GIGYF1: variants seen among roughly 807,000 people sequenced by gnomAD.
The protein encoded by GIGYF1 is GRB10-interacting GYF protein 1.
A neutral mutation model predicts 147.1 loss-of-function variants in GIGYF1; 84 were observed. That is an observed-to-expected ratio of 0.57 (90% CI 0.48 to 0.68). The LOEUF is 0.68. Among genes scored for constraint, GIGYF1 ranks in the 30% least tolerant of loss-of-function variants. The probability of loss-of-function intolerance (pLI) is 0.00; values close to 1 mark genes in which losing one functional copy is unlikely to be tolerated. For missense variants in GIGYF1, 1,485 were observed against 1,393.7 expected, an observed-to-expected ratio of 1.07 and a Z score of -1.04; for synonymous variants, 752 against 589.5, an observed-to-expected ratio of 1.28 and a Z score of -3.99.
At chr7:100,683,467 G>A in intron 20 of GIGYF1, 23 bp from the exon 21 acceptor site, 5 of 1,614,196 alleles carry the variant, frequency 3.1e-6, no homozygotes, top group Non-Finnish European at 4.2e-6. Context: ...GCCCATCAGA[G>A]GGGAGAGCTG....
At chr7:100,684,421 T>TC (rs1805118315) in intron 16 of GIGYF1, 29 bp downstream of exon 16, 1 of 1,610,524 alleles carries the variant, frequency 6.2e-7, no homozygotes, top group Non-Finnish European at 8.5e-7. Context: ...TCACACCCTG[T>TC]CCCTCCATGC....
At position 100,682,765 on chromosome 7, in the gene GIGYF1, G is replaced by C. The variant is rs765826980; in HGVS notation, c.2425C>G (p.Leu809Val). ...CACTGGTTCAGGGGGGCAGTGCCCAGGCCCCCAAGCTGCTACAGATGGCAG... is the reference window on the plus strand; with the variant it reads ...CACTGGTTCAGGGGGGCAGTGCCCACGCCCCCAAGCTGCTACAGATGGCAG... ...APNHRVQLGG[L>V]GTAPLNQWVS... The change falls in exon 23 of 27, where the codon CTG (leucine) becomes GTG (valine). Residue 809 changes from leucine (L) to valine (V), a missense_variant. Leu to Val is a conservative substitution (Grantham distance 32, BLOSUM62 1). Coordinates refer to ENST00000678049, the MANE Select transcript of GIGYF1 (RefSeq NM_001375765.1). 1 of 1,527,536 alleles carries C rather than the reference G, an allele frequency of 6.5e-7. No individual in the cohort carries two copies. The highest frequency in any genetic ancestry group is 1.4e-5 in the African/African-American group (1 of 72,124). 94.6% of individuals were successfully genotyped at this position (1,527,536 alleles called of 1,614,324 possible).
At chr7:100,686,977 C>G in intron 9 of GIGYF1, 29 bp downstream of exon 9, 2 of 1,613,648 alleles carry the variant, frequency 1.2e-6, no homozygotes, top group Non-Finnish European at 8.5e-7. Context: ...TCCCTGCCGC[C>G]CCGGCCGCCG....
intron 1 of GIGYF1, among the ~76,000 whole-genome samples, chr7:100,690,519 T>C (rs946629446): frequency 4.6e-5 from 7 of 152,196 alleles, no homozygotes; most frequent in Non-Finnish European, 1.0e-4. Flanking sequence ...TGGTGGTTCA[T>C]GCCTGTAATC....
intron 12 of GIGYF1, among the ~76,000 whole-genome samples, 197 bp downstream of exon 12, chr7:100,685,777 G>A (rs1384400992): frequency 3.9e-5 from 6 of 152,152 alleles, no homozygotes; most frequent in South Asian, 2.1e-4. Context: ...TTTTGATTAC[G>A]CCTGATTTCT....
chr7:100,692,621 T>C (rs528457250), intron 1 of GIGYF1, among the ~76,000 whole-genome samples: 25 of 152,334 alleles, frequency 1.6e-4, no homozygotes, highest in African/African-American at 6.0e-4. Flanking sequence ...ATGTAAAAGT[T>C]AGGGCTAACG....
At chr7:100,682,932 C>T (rs1804927417) in intron 22 of GIGYF1, 80 bp downstream of exon 22, 10 of 1,324,386 alleles carry the variant, frequency 7.6e-6, no homozygotes, top group South Asian at 1.5e-5. Flanking sequence ...TGGGGCTGCA[C>T]AAGTCTGGGT....
chr7:100,686,371 C>G lies in GIGYF1; in HGVS notation c.757G>C (p.Asp253His). Reference protein sequence around the residue: ...HGERRRKFEFDLRGDRGGCGE... With the variant: ...HGERRRKFEFHLRGDRGGCGE... The stretch of plus-strand genomic sequence containing the variant: ...CACCCTCCTCGATCCCCTCGCAAAT[C>G]AAATTCAAACTTGCGCCGCCGTTCC... The change falls in exon 11 of 27, where the codon GAT becomes CAT. Residue 253 changes from aspartate to histidine, a missense_variant. Physicochemically the swap from Asp to His is moderately conservative, Grantham distance 81. Transcript: ENST00000678049. 1 of 1,611,444 alleles carries G rather than the reference C, an allele frequency of 6.2e-7. No individual in the cohort carries two copies. The highest frequency in any genetic ancestry group is 1.3e-5 in the African/African-American group (1 of 74,922).
In GIGYF1 at chr7:100,688,278, G is replaced by GTGT; in HGVS notation, c.-41_-40insACA. The GTGT allele has an allele frequency of 7.8e-7, 1 of 1,275,176 alleles. No homozygotes were observed. 79.0% of individuals were successfully genotyped at this position (1,275,176 alleles called of 1,614,324 possible). On this transcript the variant is annotated 5_prime_UTR_variant, in exon 4 of 27. Transcript: ENST00000678049. ...TGTTTGAGAGGCCGGGGGTGGGGAG[G>GTGT]AGGGGACCTGGCGTTCACTGTCCAA...
chr7:100,685,150 G>T lies in GIGYF1; in HGVS notation c.1193-4C>A. ...AGCTGGATCCCCCGAATATCATCTG[G>T]AAGGCATGAGATAGGAGGTGGAAAG... is the stretch of plus-strand genomic sequence containing the variant. On this transcript the variant is annotated splice_polypyrimidine_tract_variant and splice_region_variant and intron_variant, in intron 13 of 26. Coordinates refer to ENST00000678049, the MANE Select transcript of GIGYF1 (RefSeq NM_001375765.1). 1 of 1,576,850 alleles carries T rather than the reference G, an allele frequency of 6.3e-7. No individual in the cohort carries two copies. The highest frequency in any genetic ancestry group is 1.1e-5 in the South Asian group (1 of 86,964).
In GIGYF1 at chr7:100,691,600, G is replaced by A. The variant is rs114219336; in HGVS notation, c.-1098-2045C>T. Among the ~76,000 whole-genome samples, 894 of 151,550 alleles carry A rather than the reference G, an allele frequency of 5.9e-3. 10 individuals carry two copies. Among genetic ancestry groups the A allele is most frequent in the African/African-American group, 0.021 (848 of 41,228 alleles). ...CTGTCCAATGAAGGTAAGAGCAGGA[G>A]GTGGCGGGGGCTGGGGTACTGCCAC... On this transcript the variant is annotated intron_variant, in intron 1 of 26. Transcript: ENST00000678049.
Position 100,684,452 on chromosome 7 carries a change from G to A in GIGYF1, c.1627C>T (p.Leu543=). 6.2e-7 allele frequency: 1 copy of A among 1,612,516 alleles called. No homozygotes were observed. Among genetic ancestry groups the A allele is most frequent in the East Asian group, 2.2e-5 (1 of 44,888 alleles). ...FAPGPSPPPL[L]GNMDQERLKK... ...CATGCAGGGGAGAAGCGGCTCACCA[G>A]CAGTGGGGGAGGTGAGGGCCCTGGG... is the stretch of plus-strand genomic sequence containing the variant. The change falls in exon 16 of 27, where the codon CTG becomes TTG. Residue 543 remains leucine (L), a splice_region_variant and synonymous_variant. Coordinates refer to ENST00000678049, the MANE Select transcript of GIGYF1 (RefSeq NM_001375765.1).
rs760618499 is a variant in GIGYF1, at chr7:100,686,676, C to T, written c.667G>A (p.Gly223Ser). Residue 223 changes from glycine to serine, a missense_variant, in exon 10 of 27, where the codon GGC becomes AGC. Coordinates refer to ENST00000678049, the MANE Select transcript of GIGYF1 (RefSeq NM_001375765.1). ...WRLGAGPRRD[G>S]DRWRSASPDG... is the part of the protein sequence containing the mutation. The stretch of plus-strand genomic sequence containing the variant: ...GGGCTGGCGGAGCGCCAGCGGTCGC[C>T]GTCTCGCCGGGGCCCTGCTCCGAGC... 45 of 1,612,508 alleles carry T rather than the reference C, an allele frequency of 2.8e-5. No individual in the cohort carries two copies. Among genetic ancestry groups the T allele is most frequent in the South Asian group, 6.6e-5 (6 of 91,042 alleles).
Position 100,683,738 on chromosome 7 carries a change from G to A in GIGYF1, c.1969+80C>T, listed in dbSNP as rs992248992. 5.8e-5 allele frequency: 89 copies of A among 1,543,430 alleles called. No homozygotes were observed. The Middle Eastern group carries it at 1.0e-3, about 18-fold the overall frequency. ...CCCAGCCAGAATGGCAGCTAGGGGC[G>A]TGTGGGGGTGGGGAGCAGACCCCAG... On this transcript the variant is annotated intron_variant, in intron 19 of 26. Coordinates refer to ENST00000678049, the MANE Select transcript of GIGYF1 (RefSeq NM_001375765.1).
chr7:100,685,632 G>A (rs993002994), intron 12 of GIGYF1, 151 bp from the exon 13 acceptor site: 2 of 836,436 alleles, frequency 2.4e-6, no homozygotes, highest in African/African-American at 1.7e-5. Context: ...AATGGCAGAG[G>A]GAATGCGGTG....
intron 22 of GIGYF1, 51 bp from the exon 23 acceptor site, chr7:100,682,828 G>A: frequency 1.3e-5 from 20 of 1,492,882 alleles, no homozygotes; most frequent in Non-Finnish European, 1.8e-5. Context: ...CCCCAGAAAA[G>A]CGGATGGGGA....
In GIGYF1 at chr7:100,688,322, G is replaced by T; in HGVS notation, c.-69-15C>A. 1 of 1,136,538 alleles carries T rather than the reference G, an allele frequency of 8.8e-7. No homozygotes were observed. The allele number at this position is 1,136,538 out of a possible 1,614,324, so 70.4% of individuals were successfully genotyped here. On this transcript the variant is annotated splice_polypyrimidine_tract_variant and intron_variant, in intron 3 of 26. Transcript: ENST00000678049. ...TGTCCAAACACCTGTGGGGGAACAG[G>T]GGCCATGAAGAACAGCACACGAAGG...
At chr7:100,693,618 A>G (rs972148004) in intron 1 of GIGYF1, among the ~76,000 whole-genome samples, 2 of 152,162 alleles carry the variant, frequency 1.3e-5, no homozygotes, top group African/African-American at 4.8e-5. Flanking sequence ...GGGGAACCCA[A>G]AGGCGCGCTG....
At chr7:100,690,075 A>G (rs1805710226) in intron 1 of GIGYF1, among the ~76,000 whole-genome samples, 1 of 152,244 alleles carries the variant, frequency 6.6e-6, no homozygotes, top group Non-Finnish European at 1.5e-5. Flanking sequence ...GAGTGTACTT[A>G]GTAACACAGA....
Sources: allele counts gnomAD v4.1 joint callset (sites outside exome capture counted in the v4.1 genomes callset), GRCh38; gene constraint gnomAD v4.1.1; transcripts MANE v1.5; gene names NCBI Gene and HGNC (gene_info 2026-07-23, HGNC 2026-07-21).